Variants in AGMO observed in about 807,000 individuals in gnomAD.
AGMO encodes the protein alkylglycerol monooxygenase.
AGMO carries 75 observed loss-of-function variants against 60.2 expected under a neutral mutation model. The ratio of observed to expected loss-of-function variants is 1.25; its 90% CI spans 1.03 to 1.51. The LOEUF is 1.51. Among genes scored for constraint, AGMO ranks in the 40% most tolerant of loss-of-function variants. AGMO has a pLI of 0.00. For missense variants in AGMO, 763 were observed against 525.5 expected, an observed-to-expected ratio of 1.45 and a Z score of -4.42; for synonymous variants, 261 against 177.1, an observed-to-expected ratio of 1.47 and a Z score of -3.76.
intron 12 of AGMO, among the ~76,000 whole-genome samples, chr7:15,332,033 T>A (rs989231191): frequency 6.6e-6 from 1 of 152,066 alleles, no homozygotes; most frequent in Non-Finnish European, 1.5e-5. Flanking sequence ...TACCTTCAAT[T>A]CTTCTTTCAA....
intron 8 of AGMO, among the ~76,000 whole-genome samples, chr7:15,388,984 T>G (rs1422153128): frequency 6.6e-6 from 1 of 152,202 alleles, no homozygotes; most frequent in African/African-American, 2.4e-5. Flanking sequence ...ACCTGTGATT[T>G]TCTGACCACC....
the AGMO span, among the ~76,000 whole-genome samples, chr7:15,154,954 G>A: frequency 1.3e-5 from 2 of 152,120 alleles, no homozygotes; most frequent in Non-Finnish European, 2.9e-5. Context: ...TAGGGGTTTT[G>A]ATCAAAACTC....
intron 3 of AGMO, among the ~76,000 whole-genome samples, chr7:15,431,866 G>A (rs1355576953): frequency 6.6e-6 from 1 of 151,594 alleles, no homozygotes; most frequent in South Asian, 2.1e-4. Flanking sequence ...AAGAAGTGTG[G>A]TTTTTAAAAA....
chr7:15,177,581 T>C, the AGMO span, among the ~76,000 whole-genome samples: 1 of 152,136 alleles, frequency 6.6e-6, no homozygotes, highest in Non-Finnish European at 1.5e-5. Flanking sequence ...TGTTACCCAG[T>C]ACACCTCTCT....
intron 3 of AGMO, among the ~76,000 whole-genome samples, chr7:15,462,592 AC>A (rs1782171383): frequency 3.3e-5 from 5 of 152,204 alleles, no homozygotes; most frequent in Non-Finnish European, 5.9e-5. Context: ...CAAGACATGT[AC>A]GAGCTTTAGA....
At chr7:15,368,840 T>C (rs1783089854) in intron 10 of AGMO, among the ~76,000 whole-genome samples, 1 of 149,924 alleles carries the variant, frequency 6.7e-6, no homozygotes, top group Admixed American at 6.6e-5. Context: ...CAAATAACTC[T>C]TTACCAAACT....
chr7:15,406,414 T>TGC (rs1784693896), intron 5 of AGMO, among the ~76,000 whole-genome samples: 1 of 131,232 alleles, frequency 7.6e-6, no homozygotes. Flanking sequence ...TGTGTATATA[T>TGC]ACACATATAT....
chr7:15,554,408 G>A (rs1263238968), intron 2 of AGMO, among the ~76,000 whole-genome samples: 1 of 151,930 alleles, frequency 6.6e-6, no homozygotes, highest in Non-Finnish European at 1.5e-5. Context: ...CCTTAAGTTT[G>A]AATGTAAGAC....
At chr7:15,470,750 T>G (rs1362045658) in intron 3 of AGMO, among the ~76,000 whole-genome samples, 4 of 151,980 alleles carry the variant, frequency 2.6e-5, no homozygotes, top group African/African-American at 9.7e-5. Context: ...TTGAAAGAGT[T>G]TGAAAGAACT....
At chr7:15,356,171 T>C (rs1030013881) in intron 12 of AGMO, among the ~76,000 whole-genome samples, 8 of 152,164 alleles carry the variant, frequency 5.3e-5, no homozygotes, top group Non-Finnish European at 8.8e-5. Context: ...AACAAGCACA[T>C]TTGCTACAAT....
chr7:15,181,824 C>A, the AGMO span, among the ~76,000 whole-genome samples: 22 of 152,080 alleles, frequency 1.4e-4, no homozygotes, highest in Admixed American at 6.6e-5. Context: ...TAGTGGGTGA[C>A]ATAGAACTCA....
At chr7:15,141,270 T>A in the AGMO span, among the ~76,000 whole-genome samples, 18 of 152,090 alleles carry the variant, frequency 1.2e-4, no homozygotes, top group Admixed American at 1.2e-3. Context: ...TCTGATTAAT[T>A]AACTAATATT....
At chr7:15,220,675 AT>A (rs1275088502) in intron 12 of AGMO, among the ~76,000 whole-genome samples, 1 of 151,888 alleles carries the variant, frequency 6.6e-6, no homozygotes, top group East Asian at 1.9e-4. Flanking sequence ...GAATATATAA[AT>A]TATCTTATTA....
intron 12 of AGMO, among the ~76,000 whole-genome samples, chr7:15,301,075 T>C (rs1784548892): frequency 1.3e-5 from 2 of 152,180 alleles, no homozygotes; most frequent in African/African-American, 4.8e-5. Context: ...AAATCTTTTC[T>C]ATATTTATAT....
chr7:15,199,664 C>G (rs996992359), downstream of AGMO, among the ~76,000 whole-genome samples: 1 of 152,116 alleles, frequency 6.6e-6, no homozygotes, highest in Non-Finnish European at 1.5e-5. Flanking sequence ...TTCAAGCCAG[C>G]AGAGGGCTCC....
At chr7:15,527,577 TAAGTTACCCAG>T in intron 3 of AGMO, among the ~76,000 whole-genome samples, 1 of 152,206 alleles carries the variant, frequency 6.6e-6, no homozygotes, top group East Asian at 1.9e-4. Context: ...GAAGCTACAG[TAAGTTACCCAG>T]AAGATCTAGC....
At chr7:15,306,103 A>G (rs1229923730) in intron 12 of AGMO, 2 of 152,708 alleles carry the variant, frequency 1.3e-5, no homozygotes, top group African/African-American at 4.8e-5. Flanking sequence ...AACAGATTGC[A>G]TCCTTCAATA....
At chr7:15,143,042 A>T in the AGMO span, among the ~76,000 whole-genome samples, 1 of 152,188 alleles carries the variant, frequency 6.6e-6, no homozygotes, top group Non-Finnish European at 1.5e-5. Flanking sequence ...ATCTGATGAT[A>T]AATTATATTG....
At chr7:15,183,142 T>A in the AGMO span, among the ~76,000 whole-genome samples, 3 of 146,218 alleles carry the variant, frequency 2.1e-5, no homozygotes, top group South Asian at 6.6e-4. Flanking sequence ...TTTTTTTTTA[T>A]AATGATGGCA....
Sources: gnomAD v4.1 joint callset for allele counts (sites outside exome capture counted in the v4.1 genomes callset) on GRCh38, gnomAD v4.1.1 for gene constraint, MANE v1.5 for transcripts, NCBI Gene and HGNC (gene_info 2026-07-23, HGNC 2026-07-21) for gene names.